VWC2L: variants seen among roughly 807,000 people sequenced by gnomAD.
The protein encoded by VWC2L is von Willebrand factor C domain containing 2 like, also known as von Willebrand factor C domain-containing protein 2-like.
VWC2L carries 10 observed loss-of-function variants against 21.6 expected under a neutral mutation model. The ratio of observed to expected loss-of-function variants is 0.46; its 90% confidence interval spans 0.29 to 0.78. VWC2L has a LOEUF of 0.78. Ranked by LOEUF, VWC2L falls within the 30% of genes least tolerant of loss-of-function variation. The pLI, the probability that VWC2L is intolerant of heterozygous loss-of-function variation, is 0.10. For missense variants in VWC2L, 209 were observed against 277.1 expected (o/e 0.75, Z 1.74); for synonymous variants, 96 against 94.3 (o/e 1.02, Z -0.10).
chr2:214,459,092 T>C (rs529637725), intron 3 of VWC2L, among the ~76,000 whole-genome samples: 1 of 152,200 alleles, frequency 6.6e-6, no homozygotes, highest in Non-Finnish European at 1.5e-5. Flanking sequence ...ATCTGGATAC[T>C]CTGGTGTTGG....
At chr2:214,422,760 T>G in intron 2 of VWC2L, among the ~76,000 whole-genome samples, 1 of 152,202 alleles carries the variant, frequency 6.6e-6, no homozygotes, top group East Asian at 1.9e-4. Flanking sequence ...TGCAAAGATT[T>G]AATGACATCA....
chr2:214,568,835 G>T (rs1217206634), intron 3 of VWC2L, among the ~76,000 whole-genome samples: 2 of 152,100 alleles, frequency 1.3e-5, no homozygotes, highest in Non-Finnish European at 2.9e-5. Context: ...TTGCTTAATA[G>T]ATAGGATCCT....
intron 3 of VWC2L, among the ~76,000 whole-genome samples, chr2:214,462,951 C>T (rs751086615): frequency 2.0e-5 from 3 of 152,108 alleles, no homozygotes; most frequent in South Asian, 2.1e-4. Flanking sequence ...TTGCAGGTGT[C>T]TGTTTGTGAT....
At chr2:214,557,739 TC>T (rs1272022298) in intron 3 of VWC2L, among the ~76,000 whole-genome samples, 1 of 152,138 alleles carries the variant, frequency 6.6e-6, no homozygotes, top group Admixed American at 6.6e-5. Context: ...TTATTTCAGC[TC>T]CTAGTGCCTA....
chr2:214,562,722 A>G (rs569569618), intron 3 of VWC2L, among the ~76,000 whole-genome samples: 32 of 152,154 alleles, frequency 2.1e-4, no homozygotes, highest in Admixed American at 4.6e-4. Context: ...TTTGACTTGC[A>G]TTTCTTTAAC....
intron 3 of VWC2L, among the ~76,000 whole-genome samples, chr2:214,496,889 G>A (rs4507103): frequency 0.4 from 60,854 of 151,978 alleles, 12,414 homozygotes; most frequent in East Asian, 0.48. Context: ...AAATGGAGGT[G>A]TATTTGTCAT....
chr2:214,425,701 T>C (rs980563652), intron 2 of VWC2L, among the ~76,000 whole-genome samples: 3 of 152,184 alleles, frequency 2.0e-5, no homozygotes, highest in Non-Finnish European at 4.4e-5. Context: ...AATCCACAGT[T>C]TGATCCCATT....
At chr2:214,522,446 T>C (rs1689259262) in intron 3 of VWC2L, among the ~76,000 whole-genome samples, 1 of 151,862 alleles carries the variant, frequency 6.6e-6, no homozygotes, top group African/African-American at 2.4e-5. Context: ...TATTTCTTTA[T>C]ATTCAATTTT....
Position 214,434,700 on chromosome 2 carries a change from G to A in VWC2L, c.391-1929G>A, listed in dbSNP as rs181921727. On this transcript the variant is annotated intron_variant, in intron 2 of 3. Transcript: ENST00000312504. ...CTAAGTAAGTAGATATAGGAAAATTGCTTAGCATAATGCCAGTGTTTAAAT... is the reference window on the plus strand; with the variant it reads ...CTAAGTAAGTAGATATAGGAAAATTACTTAGCATAATGCCAGTGTTTAAAT... 7.0e-3 allele frequency among the ~76,000 whole-genome samples: 1,071 copies of A among 152,292 alleles called. 13 individuals carry two copies. The highest frequency in any genetic ancestry group is 0.038 in the South Asian group (182 of 4,826).
chr2:214,474,190 T>C (rs533094104), intron 3 of VWC2L, among the ~76,000 whole-genome samples: 7 of 152,320 alleles, frequency 4.6e-5, no homozygotes, highest in Admixed American at 4.6e-4. Flanking sequence ...ACTGTTTACA[T>C]TGAAGGCATG....
At chr2:214,504,479 A>G (rs1009498447) in intron 3 of VWC2L, among the ~76,000 whole-genome samples, 5 of 152,244 alleles carry the variant, frequency 3.3e-5, no homozygotes. Flanking sequence ...AAGTTCAGCA[A>G]ATTTACCCAG....
chr2:214,423,042 T>C (rs1353647345), intron 2 of VWC2L, among the ~76,000 whole-genome samples: 4 of 152,138 alleles, frequency 2.6e-5, no homozygotes, highest in African/African-American at 9.6e-5. Context: ...ATATTACATA[T>C]CAATTTGTAA....
chr2:214,498,027 G>C (rs71428338), intron 3 of VWC2L, among the ~76,000 whole-genome samples: 2,924 of 152,198 alleles, frequency 0.019, 67 homozygotes, highest in Admixed American at 0.071. Context: ...ATGAACATGT[G>C]GCTGAAGCTA....
intron 2 of VWC2L, among the ~76,000 whole-genome samples, chr2:214,426,133 T>A (rs181661319): frequency 7.2e-6 from 1 of 139,854 alleles, no homozygotes; most frequent in South Asian, 2.2e-4. Flanking sequence ...GTTCTGGCCA[T>A]TGCACACCAG....
chr2:214,556,703 C>T (rs10804231), intron 3 of VWC2L, among the ~76,000 whole-genome samples: 101,554 of 152,106 alleles, frequency 0.67, 36,052 homozygotes, highest in East Asian at 0.83. Flanking sequence ...CAATCTGAGG[C>T]GAGGAATCCA....
intron 3 of VWC2L, among the ~76,000 whole-genome samples, chr2:214,529,624 C>A (rs1370332491): frequency 6.6e-6 from 1 of 152,156 alleles, no homozygotes; most frequent in Non-Finnish European, 1.5e-5. Flanking sequence ...GTATCAAAGC[C>A]ATTCCCAGGT....
Position 214,485,238 on chromosome 2 carries a change from G to A in VWC2L, c.520+48480G>A, listed in dbSNP as rs374622633. Among the ~76,000 whole-genome samples the A allele has an allele frequency of 1.4e-4, 22 of 152,164 alleles. No individual in the cohort carries two copies. In the East Asian group the frequency reaches 3.5e-3, roughly 24 times the overall value. The stretch of plus-strand genomic sequence containing the variant: ...GGTGGCGGAGTCAGGAGAATCTCTC[G>A]AACCTAGGAGGCAGAGGTTGCATGT... On this transcript the variant is annotated intron_variant, in intron 3 of 3. Transcript: ENST00000312504.
intron 3 of VWC2L, among the ~76,000 whole-genome samples, chr2:214,531,457 C>T (rs751419474): frequency 6.6e-6 from 1 of 152,076 alleles, no homozygotes; most frequent in Admixed American, 6.6e-5. Flanking sequence ...AGTAGAGAAA[C>T]GTGAAAACAA....
At chr2:214,540,017 TC>T (rs1395435780) in intron 3 of VWC2L, among the ~76,000 whole-genome samples, 5 of 152,114 alleles carry the variant, frequency 3.3e-5, no homozygotes, top group African/African-American at 1.2e-4. Context: ...ACCTACCATA[TC>T]CTTCCCAAGA....
Sources: allele counts gnomAD v4.1 joint callset (sites outside exome capture counted in the v4.1 genomes callset), GRCh38; gene constraint gnomAD v4.1.1; transcripts MANE v1.5; gene names NCBI Gene and HGNC (gene_info 2026-07-23, HGNC 2026-07-21).